Variants in TES observed in about 807,000 individuals in gnomAD.
TES encodes testin LIM domain protein.
Under a neutral mutation model 48.2 loss-of-function variants are expected in TES, and 41 were observed. The observed-to-expected ratio is 0.85, with a 90% CI of 0.66 to 1.10. TES has a LOEUF of 1.10. Among genes scored for constraint, TES ranks in the 50% least tolerant of loss-of-function variants. The pLI, the probability that TES is intolerant of heterozygous loss-of-function variation, is 0.00. For missense variants in TES, 463 were observed against 515.1 expected, an observed-to-expected ratio of 0.90 and a Z score of 0.98; for synonymous variants, 162 against 174.9, an observed-to-expected ratio of 0.93 and a Z score of 0.58.
intron 1 of TES, among the ~76,000 whole-genome samples, chr7:116,228,215 A>T (rs1799650019): frequency 6.6e-6 from 1 of 152,138 alleles, no homozygotes; most frequent in African/African-American, 2.4e-5. Flanking sequence ...AATTCAGTTT[A>T]TGGAGCCTGC....
intron 1 of TES, among the ~76,000 whole-genome samples, chr7:116,228,765 AAACT>A (rs1799656325): frequency 6.6e-6 from 1 of 152,036 alleles, no homozygotes; most frequent in Admixed American, 6.6e-5. Flanking sequence ...AATAATAACC[AAACT>A]AAGACACAGT....
chr7:116,253,751 G>A (rs1466843847), intron 6 of TES, among the ~76,000 whole-genome samples: 1 of 151,912 alleles, frequency 6.6e-6, no homozygotes, highest in East Asian at 1.9e-4. Context: ...TTTAGATTCA[G>A]TTTAGGTTTA....
intron 1 of TES, among the ~76,000 whole-genome samples, chr7:116,219,688 T>C (rs532936926): frequency 4.6e-5 from 7 of 152,248 alleles, no homozygotes; most frequent in Non-Finnish European, 8.8e-5. Context: ...GATATGATGT[T>C]GAATACTATT....
At chr7:116,256,257 T>C (rs1800096676) in intron 6 of TES, among the ~76,000 whole-genome samples, 1 of 152,148 alleles carries the variant, frequency 6.6e-6, no homozygotes, top group South Asian at 2.1e-4. Context: ...CATTTTGAAG[T>C]CTTTTCAAGT....
chr7:116,257,344 C>T lies in TES; in HGVS notation c.1128C>T (p.Thr376=). The change falls in exon 7 of 7, where the codon ACC becomes ACT. Residue 376 remains threonine (T), a synonymous_variant. Coordinates refer to ENST00000358204, the MANE Select transcript of TES (RefSeq NM_015641.4). ...NAIDPEVQRV[T]YNNFSWHAST... is the part of the protein sequence containing the mutation. ...TCGACCCAGAAGTGCAGCGGGTGAC[C>T]TATAACAATTTCAGCTGGCATGCAT... 1 of 1,613,886 alleles carries T rather than the reference C, an allele frequency of 6.2e-7. No individual in the cohort carries two copies. The highest frequency in any genetic ancestry group is 1.7e-5 in the Admixed American group (1 of 59,956).
At chr7:116,228,015 T>TG (rs1467613555) in intron 1 of TES, among the ~76,000 whole-genome samples, 9 of 140,490 alleles carry the variant, frequency 6.4e-5, no homozygotes, top group Admixed American at 4.8e-4. Flanking sequence ...TTTGTTTTTT[T>TG]TTTTTTGTTT....
intron 6 of TES, 96 bp from the exon 7 acceptor site, chr7:116,257,198 T>C (rs1800112457): frequency 2.2e-6 from 3 of 1,337,324 alleles, no homozygotes; most frequent in African/African-American, 3.0e-5. Context: ...TCATTATGAG[T>C]TTTAATTTAT....
At position 116,252,365 on chromosome 7, in the gene TES, C is replaced by T. The variant is rs1800028576; in HGVS notation, c.966C>T (p.His322=). ...EYTQAENQNW[H]LKHFCCFDCD... is the part of the protein sequence containing the mutation. ...CCCAGGCAGAAAACCAGAATTGGCA[C>T]CTGAAACACTTCTGCTGCTTTGACT... The change falls in exon 6 of 7, where the codon CAC becomes CAT. Residue 322 remains histidine, a synonymous_variant. Transcript: ENST00000358204. 1 of 1,614,004 alleles carries T rather than the reference C, an allele frequency of 6.2e-7. No homozygotes were observed. The highest frequency in any genetic ancestry group is 1.3e-5 in the African/African-American group (1 of 75,044).
intron 1 of TES, among the ~76,000 whole-genome samples, chr7:116,219,026 C>CT (rs1431665059): frequency 6.6e-6 from 1 of 152,106 alleles, no homozygotes; most frequent in African/African-American, 2.4e-5. Flanking sequence ...TGAACTGCCA[C>CT]TTTGAGTAGC....
rs1799986201 is a variant in TES at position 116,250,322 on chromosome 7, G to A, written c.528G>A (p.Glu176=). ...ELSPREVKEM[E]QFVKKYKSEA... Reference sequence around the variant, plus strand: ...CTCCCAGAGAGGTGAAGGAGATGGAGCAGTTTGTGAAGAAATATAAGAGCG... The same window carrying A: ...CTCCCAGAGAGGTGAAGGAGATGGAACAGTTTGTGAAGAAATATAAGAGCG... The change falls in exon 4 of 7, where the codon GAG becomes GAA. Residue 176 remains glutamate (E), a synonymous_variant. Transcript: ENST00000358204. 1 of 1,613,758 alleles carries A rather than the reference G, an allele frequency of 6.2e-7. No homozygotes were observed. The highest frequency in any genetic ancestry group is 2.2e-5 in the East Asian group (1 of 44,840).
In TES at chr7:116,249,088, G is replaced by A. The variant is rs757648955; in HGVS notation, c.182G>A (p.Arg61Gln). 81 of 1,613,912 alleles carry A rather than the reference G, an allele frequency of 5.0e-5. No individual in the cohort carries two copies. The Admixed American group carries it at 7.2e-4, about 14-fold the overall frequency. ...HDVLLSNEED[R>Q]KVGKLFEDTK... Reference sequence around the variant, plus strand: ...GTCCTCTTGAGCAATGAAGAGGATCGAAAAGTGGGAAAACTTTTTGAAGAC... The same window carrying A: ...GTCCTCTTGAGCAATGAAGAGGATCAAAAAGTGGGAAAACTTTTTGAAGAC... The change falls in exon 3 of 7, where the codon CGA becomes CAA. Residue 61 changes from arginine to glutamine, a missense_variant. By Grantham distance (43) the Arg-to-Gln change is conservative. Coordinates refer to ENST00000358204, the MANE Select transcript of TES (RefSeq NM_015641.4).
At position 116,210,673 on chromosome 7, in the gene TES, A is replaced by C. The variant is rs1168838012; in HGVS notation, c.-35A>C. 3.1e-6 allele frequency: 4 copies of C among 1,305,886 alleles called. No homozygotes were observed. Among genetic ancestry groups the C allele is most frequent in the Non-Finnish European group, 3.9e-6 (4 of 1,015,648 alleles). The allele number at this position is 1,305,886 out of a possible 1,614,324, so 80.9% of individuals were successfully genotyped here. A position where few individuals can be genotyped will look rare whatever the true frequency, so the allele number is the denominator to read the frequency against. The stretch of plus-strand genomic sequence containing the variant: ...GCTGAACCCGGCCGTGGGATCCCGG[A>C]TAGGAGGAGGAGGGGACCCATAGGA... On this transcript the variant is annotated 5_prime_UTR_variant, in exon 1 of 7. Transcript: ENST00000358204.
intron 1 of TES, among the ~76,000 whole-genome samples, chr7:116,229,525 A>AGAG (rs1799670650): frequency 6.6e-6 from 1 of 152,210 alleles, no homozygotes; most frequent in East Asian, 1.9e-4. Flanking sequence ...ACTGAAACCA[A>AGAG]GAGGAGTTGA....
intron 2 of TES, among the ~76,000 whole-genome samples, chr7:116,235,169 T>G (rs772488309): frequency 6.6e-6 from 1 of 152,210 alleles, no homozygotes; most frequent in Non-Finnish European, 1.5e-5. Context: ...AAGGCTGGTC[T>G]CAAACTCCTG....
chr7:116,249,975 T>C, intron 3 of TES, 186 bp from the exon 4 acceptor site: 1 of 412,500 alleles, frequency 2.4e-6, no homozygotes, highest in Non-Finnish European at 4.3e-6. Context: ...GTGTTACTTT[T>C]TACCCAACTA....
chr7:116,227,316 G>A (rs1490283479), intron 1 of TES, among the ~76,000 whole-genome samples: 4 of 151,346 alleles, frequency 2.6e-5, no homozygotes, highest in Non-Finnish European at 5.9e-5. Flanking sequence ...TAGAAACGGG[G>A]TTTCACCATC....
intron 2 of TES, among the ~76,000 whole-genome samples, chr7:116,239,822 GAGATAA>G (rs1251082228): frequency 1.3e-5 from 2 of 151,890 alleles, no homozygotes; most frequent in African/African-American, 4.8e-5. Context: ...GTAATATATA[GAGATAA>G]AGAGTGTTTA....
At chr7:116,216,769 T>A (rs954646018) in intron 1 of TES, among the ~76,000 whole-genome samples, 1 of 152,076 alleles carries the variant, frequency 6.6e-6, no homozygotes, top group South Asian at 2.1e-4. Context: ...AGGTTAAGTT[T>A]AATTAATTTA....
chr7:116,226,727 C>T (rs1359000438), intron 1 of TES, among the ~76,000 whole-genome samples: 1 of 152,144 alleles, frequency 6.6e-6, no homozygotes, highest in Non-Finnish European at 1.5e-5. Context: ...CACTCGAGTG[C>T]AGATGAGGGA....
Sources: gnomAD v4.1 joint callset for allele counts (sites outside exome capture counted in the v4.1 genomes callset) on GRCh38, gnomAD v4.1.1 for gene constraint, MANE v1.5 for transcripts, NCBI Gene and HGNC (gene_info 2026-07-23, HGNC 2026-07-21) for gene names.